Variants in CNOT10 observed in about 807,000 individuals in gnomAD.
The protein encoded by CNOT10 is CCR4-NOT transcription complex subunit 10.
A neutral mutation model predicts 94.6 loss-of-function variants in CNOT10; 30 were observed. That is an observed-to-expected ratio of 0.32 (90% CI 0.24 to 0.43). The LOEUF is 0.43. CNOT10 is among the 20% of genes least tolerant of loss of function. CNOT10 has a pLI of 1.00. For missense variants in CNOT10, 759 were observed against 877.2 expected (o/e 0.87, Z 1.70); for synonymous variants, 289 against 301.6 (o/e 0.96, Z 0.43).
intron 18 of CNOT10, among the ~76,000 whole-genome samples, chr3:32,772,657 A>G (rs531594082): frequency 2.1e-3 from 315 of 152,170 alleles, no homozygotes; most frequent in Non-Finnish European, 3.4e-3. Context: ...TAATCGCCCC[A>G]CTGCACTCTA....
intron 4 of CNOT10, among the ~76,000 whole-genome samples, chr3:32,711,239 C>T (rs1697876829): frequency 6.6e-6 from 1 of 152,090 alleles, no homozygotes; most frequent in Non-Finnish European, 1.5e-5. Flanking sequence ...TCTTCAGATA[C>T]CAAAATCTGC....
At chr3:32,696,740 G>A (rs1697087895) in intron 1 of CNOT10, among the ~76,000 whole-genome samples, 1 of 151,312 alleles carries the variant, frequency 6.6e-6, no homozygotes, top group South Asian at 2.1e-4. Flanking sequence ...CAGGACTACG[G>A]GCATGTGCCA....
At chr3:32,687,439 G>GTTTTTTTTTTGTTTT (rs1559471639) in intron 1 of CNOT10, among the ~76,000 whole-genome samples, 2 of 51,320 alleles carry the variant, frequency 3.9e-5, no homozygotes, top group Non-Finnish European at 3.4e-5. Flanking sequence ...AGTCCTCACG[G>GTTTTTTTTTTGTTTT]TTTTTTTTTT....
At chr3:32,695,775 C>G (rs1392554998) in intron 1 of CNOT10, 21 of 1,535,646 alleles carry the variant, frequency 1.4e-5, no homozygotes, top group Middle Eastern at 1.7e-4. Context: ...GCAACGGAGA[C>G]TACTTTTGGG....
At chr3:32,685,584 A>C (rs1001562875) in intron 1 of CNOT10, 102 bp downstream of exon 1, 3 of 1,325,634 alleles carry the variant, frequency 2.3e-6, no homozygotes, top group Non-Finnish European at 3.2e-6. Context: ...CTCCAGGGCG[A>C]CTTGAATTTG....
chr3:32,759,688 G>A, intron 14 of CNOT10, 117 bp downstream of exon 14: 3 of 739,730 alleles, frequency 4.1e-6, no homozygotes, highest in Non-Finnish European at 6.9e-6. Context: ...TGTAAGGAAA[G>A]CAACTGTTTA....
At position 32,726,694 on chromosome 3, in the gene CNOT10, CATAATAATAATA is replaced by C. The variant is rs55674577; in HGVS notation, c.1013-948_1013-937del. On this transcript the variant is annotated intron_variant, in intron 9 of 18. Coordinates refer to ENST00000328834, the MANE Select transcript of CNOT10 (RefSeq NM_015442.3). The stretch of plus-strand genomic sequence containing the variant: ...CTGGGTGACAGAGCGAGACTCTGTC[CATAATAATAATA>C]ATAATAATAATAATAATAATAATAA... 1.6e-3 allele frequency among the ~76,000 whole-genome samples: 226 copies of C among 141,766 alleles called. 1 individual carries two copies. The highest frequency in any genetic ancestry group is 4.8e-3 in the African/African-American group (185 of 38,538). 93.0% of individuals were successfully genotyped at this position (141,766 alleles called of 152,430 possible).
intron 8 of CNOT10, among the ~76,000 whole-genome samples, chr3:32,722,840 C>G (rs192510232): frequency 1.3e-5 from 2 of 152,204 alleles, no homozygotes; most frequent in East Asian, 3.9e-4. Context: ...AAAAATTAGC[C>G]AGGCGTGATG....
Position 32,727,692 on chromosome 3 carries a change from T to G in CNOT10, c.1037T>G (p.Met346Arg). The part of the protein sequence containing the change: ...DPGKKFSGRP[M>R]CTLLTNKRYE... ...GGTAAAAAATTTTCAGGAAGACCCA[T>G]GTGTACGTTACTAACCAATAAGAGA... The change falls in exon 10 of 19, where the codon ATG becomes AGG. Residue 346 changes from methionine to arginine, a missense_variant. Met to Arg is a moderately conservative substitution (Grantham distance 91, BLOSUM62 -1). This residue lies in a region of CNOT10 where 682 missense variants were observed against 799.4 expected (regional missense o/e 0.85). Coordinates refer to ENST00000328834, the MANE Select transcript of CNOT10 (RefSeq NM_015442.3). The G allele has an allele frequency of 6.2e-7, 1 of 1,613,630 alleles. No homozygotes were observed. The highest frequency in any genetic ancestry group is 8.5e-7 in the Non-Finnish European group (1 of 1,179,720).
chr3:32,716,537 A>G (rs761091929), intron 6 of CNOT10, among the ~76,000 whole-genome samples: 4 of 152,234 alleles, frequency 2.6e-5, no homozygotes, highest in Non-Finnish European at 5.9e-5. Context: ...TTTGAGAGAA[A>G]TGGCACGGGA....
intron 13 of CNOT10, among the ~76,000 whole-genome samples, chr3:32,748,424 T>G (rs1699805033): frequency 6.6e-6 from 1 of 152,230 alleles, no homozygotes; most frequent in African/African-American, 2.4e-5. Flanking sequence ...GATGTGAATG[T>G]TTGCTGCATA....
chr3:32,738,617 C>A (rs1699301273), intron 13 of CNOT10, among the ~76,000 whole-genome samples: 1 of 151,920 alleles, frequency 6.6e-6, no homozygotes, highest in Non-Finnish European at 1.5e-5. Flanking sequence ...CGCCTGCCAC[C>A]ACACAGGGCT....
intron 13 of CNOT10, among the ~76,000 whole-genome samples, chr3:32,754,143 T>G (rs1229351479): frequency 6.6e-6 from 1 of 151,896 alleles, no homozygotes; most frequent in Non-Finnish European, 1.5e-5. Flanking sequence ...ATTTTTTGGA[T>G]TATTGTAGAC....
intron 1 of CNOT10, among the ~76,000 whole-genome samples, chr3:32,701,134 G>A (rs1172691680): frequency 6.6e-6 from 1 of 152,112 alleles, no homozygotes; most frequent in African/African-American, 2.4e-5. Context: ...AATTAGCCAG[G>A]TGTGGCGGCA....
rs1696670101 is a variant in CNOT10, at chr3:32,687,460, T to TTTTGTTTTTTG, written c.22+1981_22+1982insGTTTTTTGTTT. ...CACGGTTTTTTTTTTTTGTTTTTTT[T>TTTTGTTTTTTG]TTTTTTTTTGAGACGGAGTCTCGCT... On this transcript the variant is annotated intron_variant, in intron 1 of 18. Coordinates refer to ENST00000328834, the MANE Select transcript of CNOT10 (RefSeq NM_015442.3). 6.0e-5 allele frequency among the ~76,000 whole-genome samples: 6 copies of TTTTGTTTTTTG among 100,108 alleles called. No homozygotes were observed. The South Asian group carries it at 1.5e-3, about 25-fold the overall frequency. The allele number at this position is 100,108 out of a possible 152,430, so 65.7% of individuals were successfully genotyped here.
intron 1 of CNOT10, chr3:32,695,968 AGTGTGTGTGTGTGTGTGTGTGT>A (rs764702440): frequency 4.3e-4 from 184 of 432,830 alleles, no homozygotes; most frequent in South Asian, 7.9e-4. Context: ...TGTTGAAGAG[AGTGTGTGTGTGTGTGTGTGTGT>A]GTGTGTGTGT....
At chr3:32,772,934 T>A (rs572825874) in intron 18 of CNOT10, among the ~76,000 whole-genome samples, 1 of 152,260 alleles carries the variant, frequency 6.6e-6, no homozygotes, top group South Asian at 2.1e-4. Context: ...GGCGTGATCT[T>A]GGCTCACTGC....
At chr3:32,716,631 G>A (rs545166025) in intron 6 of CNOT10, among the ~76,000 whole-genome samples, 7 of 152,108 alleles carry the variant, frequency 4.6e-5, no homozygotes, top group South Asian at 2.1e-4. Flanking sequence ...ATTTTTGCCC[G>A]GAACTTGAGT....
intron 12 of CNOT10, among the ~76,000 whole-genome samples, chr3:32,735,989 G>A (rs1699169496): frequency 1.3e-5 from 2 of 152,100 alleles, no homozygotes. Flanking sequence ...GAAATTGGGA[G>A]AACTTTTGGT....
Sources: allele counts gnomAD v4.1 joint callset (sites outside exome capture counted in the v4.1 genomes callset), GRCh38; gene constraint gnomAD v4.1.1; regional missense constraint gnomAD v4.1.1; transcripts MANE v1.5; gene names NCBI Gene and HGNC (gene_info 2026-07-23, HGNC 2026-07-21).